Variants in ITIH5 observed in about 807,000 individuals in gnomAD.
ITIH5 encodes inter-alpha-trypsin inhibitor heavy chain H5.
Under a neutral mutation model 77.5 loss-of-function variants are expected in ITIH5, and 65 were observed. The ratio of observed to expected loss-of-function variants is 0.84; its 90% CI spans 0.69 to 1.03. The LOEUF is 1.03. Among genes scored for constraint, ITIH5 ranks in the 50% least tolerant of loss-of-function variants. ITIH5 has a pLI of 0.00. For missense variants in ITIH5, 1,208 were observed against 1,213.1 expected, an observed-to-expected ratio of 1.00 and a Z score of 0.06; for synonymous variants, 525 against 494.3, an observed-to-expected ratio of 1.06 and a Z score of -0.82.
At chr10:7,666,068 A>C (rs1834356548) in intron 1 of ITIH5, among the ~76,000 whole-genome samples, 1 of 152,246 alleles carries the variant, frequency 6.6e-6, no homozygotes, top group Non-Finnish European at 1.5e-5. Context: ...ATGTGTGTGA[A>C]AGCACTTCTA....
chr10:7,614,891 T>C (rs962235123), intron 7 of ITIH5, among the ~76,000 whole-genome samples: 3 of 152,082 alleles, frequency 2.0e-5, no homozygotes, highest in Admixed American at 1.3e-4. Flanking sequence ...GGACAGAGAG[T>C]TTCTATGAGA....
At position 7,644,666 on chromosome 10, in the gene ITIH5, T is replaced by C. The variant is rs373612596; in HGVS notation, c.136-2576A>G. ...TATCATATATATCACATATATATCA[T>C]ATATATCACATATATATCATATATA... is the stretch of plus-strand genomic sequence containing the variant. On this transcript the variant is annotated intron_variant, in intron 2 of 13. Transcript: ENST00000397146. Among the ~76,000 whole-genome samples, 107 of 136,756 alleles carry C rather than the reference T, an allele frequency of 7.8e-4. 1 individual carries two copies. The highest frequency in any genetic ancestry group is 2.4e-3 in the African/African-American group (87 of 36,364). The allele number at this position is 136,756 out of a possible 152,430, so 89.7% of individuals were successfully genotyped here.
intron 8 of ITIH5, among the ~76,000 whole-genome samples, chr10:7,585,570 C>T (rs968487605): frequency 1.3e-5 from 2 of 152,158 alleles, no homozygotes; most frequent in Non-Finnish European, 2.9e-5. Context: ...TAATTCTCCA[C>T]CCCAAAACCG....
At chr10:7,625,693 A>G (rs1833565176) in intron 5 of ITIH5, among the ~76,000 whole-genome samples, 1 of 151,774 alleles carries the variant, frequency 6.6e-6, no homozygotes, top group South Asian at 2.1e-4. Flanking sequence ...TGAACCCAGG[A>G]GGCAGAGATT....
chr10:7,624,425 T>C (rs1350728964), intron 5 of ITIH5, among the ~76,000 whole-genome samples: 3 of 152,016 alleles, frequency 2.0e-5, no homozygotes, highest in Admixed American at 6.6e-5. Flanking sequence ...GAGAATCACT[T>C]GGACCCGGGA....
At chr10:7,582,793 T>C (rs1041270654) in intron 8 of ITIH5, among the ~76,000 whole-genome samples, 3 of 152,132 alleles carry the variant, frequency 2.0e-5, no homozygotes, top group Non-Finnish European at 4.4e-5. Context: ...ATTAAAACGA[T>C]TGAACTTATG....
chr10:7,597,055 A>AAAAAAAAAAAAAAAAAAAAAC, intron 7 of ITIH5, among the ~76,000 whole-genome samples: 1 of 150,368 alleles, frequency 6.7e-6, no homozygotes, highest in Non-Finnish European at 1.5e-5. Context: ...AAAAAAAAAA[A>AAAAAAAAAAAAAAAAAAAAAC]AAAAAAAAAT....
Position 7,560,194 on chromosome 10 carries a change from C to G in ITIH5, c.*2889G>C. 5.9e-6 allele frequency: 1 copy of G among 170,808 alleles called. No individual in the cohort carries two copies. The highest frequency in any genetic ancestry group is 1.2e-5 in the Non-Finnish European group (1 of 80,662). 10.6% of individuals were successfully genotyped at this position (170,808 alleles called of 1,614,324 possible). A position where few individuals can be genotyped will look rare whatever the true frequency, so the allele number is the denominator to read the frequency against. ...GGCCTTAATCCCATTCGTGAGGGCTCTGCCCTCAAGACCCAATAACCTTCC... is the reference window on the plus strand; with the variant it reads ...GGCCTTAATCCCATTCGTGAGGGCTGTGCCCTCAAGACCCAATAACCTTCC... On this transcript the variant is annotated 3_prime_UTR_variant, in exon 14 of 14. Transcript: ENST00000397146.
At chr10:7,651,768 G>A (rs143721252) in intron 2 of ITIH5, among the ~76,000 whole-genome samples, 56 of 152,080 alleles carry the variant, frequency 3.7e-4, no homozygotes, top group African/African-American at 1.3e-3. Flanking sequence ...ACCCTGCCTT[G>A]CCCATTCCTT....
At chr10:7,581,721 C>CTTTTTTTTTTTTT (rs142992412) in intron 8 of ITIH5, among the ~76,000 whole-genome samples, 1 of 101,724 alleles carries the variant, frequency 9.8e-6, no homozygotes, top group Non-Finnish European at 1.9e-5. Context: ...TCTTTTCCTT[C>CTTTTTTTTTTTTT]TTTTTTTTTT....
intron 8 of ITIH5, among the ~76,000 whole-genome samples, chr10:7,581,953 G>A (rs1335930664): frequency 7.0e-6 from 1 of 143,080 alleles, no homozygotes; most frequent in African/African-American, 2.6e-5. Flanking sequence ...TTGGCTCACT[G>A]CAACCTCTGC....
At chr10:7,638,456 T>C (rs1833835276) in intron 4 of ITIH5, among the ~76,000 whole-genome samples, 1 of 152,212 alleles carries the variant, frequency 6.6e-6, no homozygotes, top group Admixed American at 6.5e-5. Context: ...GTAAAAGTGA[T>C]GTTATCTGGT....
At chr10:7,614,626 A>G (rs558145401) in intron 7 of ITIH5, among the ~76,000 whole-genome samples, 1 of 152,252 alleles carries the variant, frequency 6.6e-6, no homozygotes, top group South Asian at 2.1e-4. Flanking sequence ...CCCTAGTCTC[A>G]CTTCATATTT....
chr10:7,611,738 A>G (rs1833248621), intron 7 of ITIH5, among the ~76,000 whole-genome samples: 2 of 151,680 alleles, frequency 1.3e-5, no homozygotes, highest in Non-Finnish European at 2.9e-5. Flanking sequence ...CCTGCATGCA[A>G]TTTTCTAGTG....
chr10:7,634,046 G>A (rs112221855), intron 5 of ITIH5, among the ~76,000 whole-genome samples: 25,525 of 133,230 alleles, frequency 0.19, 2,683 homozygotes, highest in Non-Finnish European at 0.24. Context: ...CCGAGATCGC[G>A]CCACTGCACT....
chr10:7,579,251 T>C (rs775050249), intron 9 of ITIH5, among the ~76,000 whole-genome samples: 3 of 152,066 alleles, frequency 2.0e-5, no homozygotes, highest in Non-Finnish European at 4.4e-5. Flanking sequence ...TAGGGCCGGG[T>C]GTGGTGGCTC....
At position 7,628,828 on chromosome 10, in the gene ITIH5, C is replaced by CAT. The variant is rs1564269025; in HGVS notation, c.652+8399_652+8400insAT. On this transcript the variant is annotated intron_variant, in intron 5 of 13. Coordinates refer to ENST00000397146, the MANE Select transcript of ITIH5 (RefSeq NM_030569.7). ...GTTTTTGCATGTGTCCATGTTGTAG[C>CAT]GTGTGTCCCTGTTGTAGCGTGTGTC... Among the ~76,000 whole-genome samples, 368 of 118,788 alleles carry CAT rather than the reference C, an allele frequency of 3.1e-3. 56 individuals carry two copies. Among genetic ancestry groups the CAT allele is most frequent in the Non-Finnish European group, 4.7e-3 (245 of 52,084 alleles). The allele number at this position is 118,788 out of a possible 152,430, so 77.9% of individuals were successfully genotyped here. A position where few individuals can be genotyped will look rare whatever the true frequency, so the allele number is the denominator to read the frequency against.
chr10:7,584,244 T>C (rs1464862053), intron 8 of ITIH5, among the ~76,000 whole-genome samples: 7 of 152,092 alleles, frequency 4.6e-5, no homozygotes, highest in African/African-American at 1.7e-4. Flanking sequence ...CCCACAGGGT[T>C]TCTAAGGCTT....
intron 2 of ITIH5, among the ~76,000 whole-genome samples, chr10:7,644,547 T>TTA (rs1564277485): frequency 8.8e-6 from 1 of 113,022 alleles, no homozygotes; most frequent in African/African-American, 3.9e-5. Context: ...CACATATATA[T>TTA]GATATATCAC....
Sources: gnomAD v4.1 joint callset for allele counts (sites outside exome capture counted in the v4.1 genomes callset) on GRCh38, gnomAD v4.1.1 for gene constraint, MANE v1.5 for transcripts, NCBI Gene and HGNC (gene_info 2026-07-23, HGNC 2026-07-21) for gene names.